TATDN1: variants seen among roughly 807,000 people sequenced by gnomAD.
The protein encoded by TATDN1 is TatD DNase domain containing 1, also known as deoxyribonuclease TATDN1.
Under a neutral mutation model 46.4 loss-of-function variants are expected in TATDN1, and 40 were observed. The observed-to-expected ratio is 0.86, with a 90% CI of 0.67 to 1.12. The LOEUF (loss-of-function observed/expected upper bound fraction) is 1.12, where lower values mean the gene tolerates loss of function less well. Among genes scored for constraint, TATDN1 ranks in the 50% most tolerant of loss-of-function variants. The pLI is 0.00. For missense variants in TATDN1, 326 were observed against 348.4 expected, an observed-to-expected ratio of 0.94 and a Z score of 0.51; for synonymous variants, 95 against 105.6, an observed-to-expected ratio of 0.90 and a Z score of 0.62.
chr8:124,494,533 A>C (rs1817291776), intron 10 of TATDN1: 1 of 152,212 alleles, frequency 6.6e-6, no homozygotes, highest in East Asian at 1.9e-4. Flanking sequence ...TTTAGATAAA[A>C]GTTTTAGCTT....
chr8:124,524,334 G>A (rs1182881197), intron 1 of TATDN1, among the ~76,000 whole-genome samples: 3 of 152,172 alleles, frequency 2.0e-5, no homozygotes, highest in Admixed American at 1.3e-4. Flanking sequence ...CTTTAAAAGG[G>A]CTATTAACAT....
intron 9 of TATDN1, among the ~76,000 whole-genome samples, chr8:124,496,696 AC>A (rs1260603952): frequency 1.3e-5 from 2 of 152,186 alleles, no homozygotes; most frequent in Non-Finnish European, 2.9e-5. Context: ...TGGACATACC[AC>A]AGTTTATCCA....
intron 11 of TATDN1, among the ~76,000 whole-genome samples, chr8:124,490,766 T>A (rs1452081621): frequency 2.1e-5 from 3 of 146,188 alleles, no homozygotes; most frequent in Non-Finnish European, 3.0e-5. Flanking sequence ...TTTTTTTTTT[T>A]GAGAGAGTCT....
intron 9 of TATDN1, among the ~76,000 whole-genome samples, chr8:124,499,129 C>T (rs6984985): frequency 0.55 from 82,781 of 151,594 alleles, 23,722 homozygotes; most frequent in African/African-American, 0.73. Flanking sequence ...TTTGCTATTA[C>T]AGATTCTTTC....
chr8:124,513,070 A>G (rs531785048), intron 6 of TATDN1, among the ~76,000 whole-genome samples: 74 of 152,130 alleles, frequency 4.9e-4, no homozygotes, highest in South Asian at 1.5e-3. Context: ...GCTCGCCACC[A>G]CGCCTGGCTA....
chr8:124,502,105 C>T (rs143528023), intron 9 of TATDN1, among the ~76,000 whole-genome samples: 17 of 152,158 alleles, frequency 1.1e-4, no homozygotes, highest in East Asian at 3.9e-4. Context: ...GAGGCCGAGA[C>T]GGGCAGATCA....
At chr8:124,526,297 G>A (rs1820495777) in intron 1 of TATDN1, among the ~76,000 whole-genome samples, 1 of 152,184 alleles carries the variant, frequency 6.6e-6, no homozygotes, top group Non-Finnish European at 1.5e-5. Context: ...AATAAACTCT[G>A]TAAACTAGAT....
chr8:124,488,677 A>G lies in TATDN1; in HGVS notation c.811T>C (p.Ser271Pro). 6.2e-7 allele frequency: 1 copy of G among 1,603,220 alleles called. No homozygotes were observed. Among genetic ancestry groups the G allele is most frequent in the Non-Finnish European group, 8.5e-7 (1 of 1,170,794 alleles). ...CHIIQILEIM[S>P]AVRDEDPLEL... ...AGTGGATCCTCATCTCTCACTGCTG[A>G]CATTATCTCCAATATTTGACTAAAA... Residue 271 changes from serine to proline, a missense_variant, in exon 12 of 12, where the codon TCA (serine) becomes CCA (proline). Coordinates refer to ENST00000276692, the MANE Select transcript of TATDN1 (RefSeq NM_032026.4).
At chr8:124,511,078 C>T (rs1818964776) in intron 6 of TATDN1, among the ~76,000 whole-genome samples, 1 of 152,110 alleles carries the variant, frequency 6.6e-6, no homozygotes, top group South Asian at 2.1e-4. Context: ...TAGGAATTGG[C>T]ATCTATTAAG....
chr8:124,514,251 C>A (rs560634063), intron 6 of TATDN1, among the ~76,000 whole-genome samples: 3 of 152,306 alleles, frequency 2.0e-5, no homozygotes, highest in African/African-American at 7.2e-5. Flanking sequence ...ATATCAGAAT[C>A]CCATTTGTGG....
At chr8:124,491,043 CA>C in intron 11 of TATDN1, 1 of 152,320 alleles carries the variant, frequency 6.6e-6, no homozygotes, top group Non-Finnish European at 1.5e-5. Flanking sequence ...CTCGGCCTCC[CA>C]AAATGGTAGG....
At chr8:124,523,364 G>A (rs1416326111) in intron 1 of TATDN1, 1 of 212,552 alleles carries the variant, frequency 4.7e-6, no homozygotes, top group Non-Finnish European at 9.4e-6. Flanking sequence ...GAATCTTAAA[G>A]GATGAGTGAC....
intron 9 of TATDN1, chr8:124,503,939 T>C (rs1563655154): frequency 1.5e-6 from 2 of 1,306,852 alleles, no homozygotes; most frequent in East Asian, 5.1e-5. Flanking sequence ...GACGTGTATA[T>C]GTATACATAA....
chr8:124,508,370 G>A (rs1030589591), intron 8 of TATDN1, 104 bp downstream of exon 8: 1 of 946,408 alleles, frequency 1.1e-6, no homozygotes. Context: ...TCATGCCAGT[G>A]CTTAAAAAGG....
chr8:124,519,347 G>GC (rs915945436), intron 3 of TATDN1, among the ~76,000 whole-genome samples: 2 of 152,060 alleles, frequency 1.3e-5, no homozygotes, highest in Non-Finnish European at 2.9e-5. Flanking sequence ...TCACTCTACT[G>GC]CAAGTGTCCA....
At chr8:124,524,444 A>G (rs1188969174) in intron 1 of TATDN1, among the ~76,000 whole-genome samples, 1 of 152,180 alleles carries the variant, frequency 6.6e-6, no homozygotes, top group Non-Finnish European at 1.5e-5. Context: ...AGTACAGGAA[A>G]TTAGATAAAT....
intron 6 of TATDN1, among the ~76,000 whole-genome samples, chr8:124,509,158 A>T (rs921527729): frequency 6.6e-6 from 1 of 152,244 alleles, no homozygotes; most frequent in Non-Finnish European, 1.5e-5. Context: ...TTATGCTATT[A>T]AAAAAAGAAA....
intron 6 of TATDN1, among the ~76,000 whole-genome samples, chr8:124,513,848 T>C (rs1819234780): frequency 6.6e-6 from 1 of 152,198 alleles, no homozygotes; most frequent in Non-Finnish European, 1.5e-5. Context: ...TTGAGGAATA[T>C]GATATCTGGG....
intron 6 of TATDN1, among the ~76,000 whole-genome samples, chr8:124,513,352 C>T (rs541042515): frequency 1.4e-3 from 209 of 152,308 alleles, no homozygotes; most frequent in Non-Finnish European, 2.6e-3. Flanking sequence ...TATGCTGTCA[C>T]CTTAGAGCAT....
Sources: gnomAD v4.1 joint callset for allele counts (sites outside exome capture counted in the v4.1 genomes callset) on GRCh38, gnomAD v4.1.1 for gene constraint, MANE v1.5 for transcripts, NCBI Gene and HGNC (gene_info 2026-07-23, HGNC 2026-07-21) for gene names.